Variants in PCDHGA1 observed in about 807,000 individuals in gnomAD.
The protein encoded by PCDHGA1 is protocadherin gamma subfamily A, 1, also known as protocadherin gamma-A1.
Under a neutral mutation model 58.0 loss-of-function variants are expected in PCDHGA1, and 32 were observed. The ratio of observed to expected loss-of-function variants is 0.55; its 90% confidence interval spans 0.42 to 0.74. PCDHGA1 has a LOEUF of 0.74. PCDHGA1 is among the 30% of genes least tolerant of loss of function. PCDHGA1 has a pLI of 0.00. For missense variants in PCDHGA1, 1,205 were observed against 1,182.3 expected (o/e 1.02, Z -0.28); for synonymous variants, 498 against 501.1 (o/e 0.99, Z 0.08).
In PCDHGA1 at chr5:141,338,966, AG is replaced by A. The variant is rs1465045344; in HGVS notation, c.2421+5864del. On this transcript the variant is annotated intron_variant, in intron 1 of 3. Coordinates refer to ENST00000517417, the MANE Select transcript of PCDHGA1 (RefSeq NM_018912.3). ...TTGACTCGGAGAAAATTGCGACAGG[AG>A]GGAAATGGCGGCTCTGCAAAAGTTG... is the stretch of plus-strand genomic sequence containing the variant. 2.0e-6 allele frequency: 3 copies of A among 1,526,562 alleles called. No individual in the cohort carries two copies. In the East Asian group the frequency reaches 6.8e-5, roughly 35 times the overall value. 94.6% of individuals were successfully genotyped at this position (1,526,562 alleles called of 1,614,324 possible).
At chr5:141,379,831 C>G (rs1242791393) in intron 1 of PCDHGA1, among the ~76,000 whole-genome samples, 1 of 142,262 alleles carries the variant, frequency 7.0e-6, no homozygotes, top group Non-Finnish European at 1.5e-5. Flanking sequence ...TTTGAAGCAT[C>G]AGGAAAAAAA....
At chr5:141,402,882 G>A in intron 1 of PCDHGA1, 1 of 1,479,680 alleles carries the variant, frequency 6.8e-7, no homozygotes, top group South Asian at 1.4e-5. Context: ...TACTTTGCAG[G>A]GTGGAAGAAA....
chr5:141,341,462 A>C (rs548025293), intron 1 of PCDHGA1: 1 of 1,601,120 alleles, frequency 6.2e-7, no homozygotes, highest in African/African-American at 1.3e-5. Context: ...CTTGTTTACT[A>C]TATCTATTTT....
At chr5:141,427,765 T>C (rs1331334394) in intron 1 of PCDHGA1, 3 of 1,387,170 alleles carry the variant, frequency 2.2e-6, no homozygotes, top group Non-Finnish European at 2.0e-6. Context: ...ACCACTGACT[T>C]GGAGCTGCGG....
chr5:141,443,243 C>T (rs755331096), intron 1 of PCDHGA1, among the ~76,000 whole-genome samples: 9 of 151,618 alleles, frequency 5.9e-5, no homozygotes, highest in Non-Finnish European at 1.0e-4. Flanking sequence ...CACTTTGGGG[C>T]GCCAAGGCGG....
intron 2 of PCDHGA1, 107 bp from the exon 3 acceptor site, chr5:141,505,286 A>T: frequency 3.2e-6 from 5 of 1,551,278 alleles, no homozygotes; most frequent in Non-Finnish European, 4.4e-6. Flanking sequence ...GGTCTTGGGC[A>T]TGGGGTAGGG....
chr5:141,365,603 A>C (rs1198770505), intron 1 of PCDHGA1: 2 of 1,613,602 alleles, frequency 1.2e-6, no homozygotes, highest in Non-Finnish European at 1.7e-6. Flanking sequence ...TTTAACCGTC[A>C]TGGACCATGG....
In PCDHGA1 at chr5:141,375,730, C is replaced by A. The variant is rs763067110; in HGVS notation, c.2421+42625C>A. On this transcript the variant is annotated intron_variant, in intron 1 of 3. Coordinates refer to ENST00000517417, the MANE Select transcript of PCDHGA1 (RefSeq NM_018912.3). ...CTCTTAGCAGCAACGTGTCACTGAG[C>A]CTGTTTGTGCTGGACCAGAATGACA... 4 of 1,614,266 alleles carry A rather than the reference C, an allele frequency of 2.5e-6. No homozygotes were observed. Among genetic ancestry groups the A allele is most frequent in the Non-Finnish European group, 3.4e-6 (4 of 1,180,050 alleles).
In PCDHGA1 at chr5:141,374,709, G is replaced by T. The variant is rs774211225; in HGVS notation, c.2421+41604G>T. 6.8e-6 allele frequency: 11 copies of T among 1,608,934 alleles called. No individual in the cohort carries two copies. The African/African-American group carries it at 8.0e-5, about 12-fold the overall frequency. On this transcript the variant is annotated intron_variant, in intron 1 of 3. Coordinates refer to ENST00000517417, the MANE Select transcript of PCDHGA1 (RefSeq NM_018912.3). ...GACCGGGAAGGAGAAGCCGTTTACC[G>T]CCTGGTCCTTACTGCCATGGATGGC...
intron 1 of PCDHGA1, chr5:141,414,483 A>T (rs756254490): frequency 5.6e-6 from 9 of 1,613,826 alleles, no homozygotes; most frequent in Non-Finnish European, 6.8e-6. Flanking sequence ...GTCCTCCTCT[A>T]TCAACGGAAG....
chr5:141,422,078 A>G lies in PCDHGA1; in HGVS notation c.2422-72729A>G, dbSNP rs1442545718. 11 of 1,612,298 alleles carry G rather than the reference A, an allele frequency of 6.8e-6. No homozygotes were observed. In the South Asian group the frequency reaches 8.8e-5, roughly 13 times the overall value. Reference sequence around the variant, plus strand: ...GGGGAAGTAATGTATTCATTTCGGAACATGGAAAGCAAGGCTTCTGAAATA... The same window carrying G: ...GGGGAAGTAATGTATTCATTTCGGAGCATGGAAAGCAAGGCTTCTGAAATA... On this transcript the variant is annotated intron_variant, in intron 1 of 3. Coordinates refer to ENST00000517417, the MANE Select transcript of PCDHGA1 (RefSeq NM_018912.3).
intron 1 of PCDHGA1, among the ~76,000 whole-genome samples, chr5:141,453,360 C>T (rs966238012): frequency 6.6e-6 from 1 of 152,000 alleles, no homozygotes; most frequent in Non-Finnish European, 1.5e-5. Context: ...CCCTGAACTC[C>T]TGGGGTCAAG....
intron 1 of PCDHGA1, chr5:141,409,079 T>C (rs2095221320): frequency 2.5e-6 from 4 of 1,613,908 alleles, no homozygotes; most frequent in Non-Finnish European, 3.4e-6. Context: ...ACATATGTTC[T>C]CATTGGATGA....
At chr5:141,370,645 T>TA in intron 1 of PCDHGA1, 1 of 1,613,922 alleles carries the variant, frequency 6.2e-7, no homozygotes, top group Non-Finnish European at 8.5e-7. Flanking sequence ...AATGGGAACT[T>TA]ACTTGTGAGC....
rs775416808 is a variant in PCDHGA1, at chr5:141,429,727, G to A, written c.2422-65080G>A. ...TAAATATTTACGCTCATGAAAGTAC[G>A]TAGCCAGTTATTTCTTAGGGAGAAT... On this transcript the variant is annotated intron_variant, in intron 1 of 3. Transcript: ENST00000517417. 7.2e-5 allele frequency among the ~76,000 whole-genome samples: 11 copies of A among 152,158 alleles called. 1 individual carries two copies. The highest frequency in any genetic ancestry group is 1.9e-4 in the East Asian group (1 of 5,188).
intron 1 of PCDHGA1, chr5:141,351,210 C>T: frequency 6.2e-7 from 1 of 1,613,986 alleles, no homozygotes; most frequent in Non-Finnish European, 8.5e-7. Context: ...AGTGTGGAAG[C>T]TAAGGATGGA....
intron 1 of PCDHGA1, among the ~76,000 whole-genome samples, chr5:141,382,425 AAG>A (rs1778199818): frequency 6.6e-6 from 1 of 152,212 alleles, no homozygotes; most frequent in Admixed American, 6.5e-5. Flanking sequence ...CAGTGCCCAA[AAG>A]AGTCACTTGA....
intron 1 of PCDHGA1, among the ~76,000 whole-genome samples, chr5:141,373,025 G>T (rs1194348949): frequency 6.6e-6 from 1 of 152,092 alleles, no homozygotes; most frequent in East Asian, 1.9e-4. Context: ...TGATAGTCTT[G>T]AAACTTTTCT....
chr5:141,402,807 T>G, intron 1 of PCDHGA1: 2 of 1,165,464 alleles, frequency 1.7e-6, no homozygotes, highest in Non-Finnish European at 2.3e-6. Flanking sequence ...ACCCGGCAGA[T>G]ACCACAAACC....
Sources: allele counts gnomAD v4.1 joint callset (sites outside exome capture counted in the v4.1 genomes callset), GRCh38; gene constraint gnomAD v4.1.1; transcripts MANE v1.5; gene names NCBI Gene and HGNC (gene_info 2026-07-23, HGNC 2026-07-21).